Variants in TSGA10IP observed in about 807,000 individuals in gnomAD.
TSGA10IP encodes testis specific 10 interacting protein.
In TSGA10IP, 64 loss-of-function variants were observed where a neutral mutation model predicts 63.2. That is an observed-to-expected ratio of 1.01 (90% CI 0.83 to 1.25). TSGA10IP has a LOEUF of 1.25. Ranked by LOEUF, TSGA10IP falls within the 50% of genes most tolerant of loss-of-function variation. The pLI is 0.00. For missense variants in TSGA10IP, 681 were observed against 710.1 expected (o/e 0.96, Z 0.47); for synonymous variants, 316 against 298.3 (o/e 1.06, Z -0.61).
At chr11:65,951,518 T>TTTATTATTATTACTA (rs1854941300) in intron 4 of TSGA10IP, among the ~76,000 whole-genome samples, 2 of 139,116 alleles carry the variant, frequency 1.4e-5, no homozygotes, top group African/African-American at 5.3e-5. Flanking sequence ...ATTTGCTTAT[T>TTTATTATTATTACTA]TTATTATTAT....
At position 65,955,483 on chromosome 11, in the gene TSGA10IP, C is replaced by T. The variant is rs193003067; in HGVS notation, c.1322+1746C>T. Among the ~76,000 whole-genome samples, 708 of 152,014 alleles carry T rather than the reference C, an allele frequency of 4.7e-3. 2 individuals carry two copies. Among genetic ancestry groups the T allele is most frequent in the Non-Finnish European group, 6.9e-3 (472 of 67,966 alleles). ...CAAAAATTAGCTGGGCGTAGTGGCGCGCGACTGTAGTCCCAGCTACTTGGG... is the reference window on the plus strand; with the variant it reads ...CAAAAATTAGCTGGGCGTAGTGGCGTGCGACTGTAGTCCCAGCTACTTGGG... On this transcript the variant is annotated intron_variant, in intron 5 of 7. Coordinates refer to ENST00000532620, the Ensembl canonical transcript of TSGA10IP.
chr11:65,953,952 G>C (rs995975725), intron 5 of TSGA10IP, among the ~76,000 whole-genome samples: 8 of 152,172 alleles, frequency 5.3e-5, no homozygotes, highest in Non-Finnish European at 8.8e-5. Context: ...GCTGTTGAAT[G>C]GTCAAGGTTA....
intron 5 of TSGA10IP, among the ~76,000 whole-genome samples, chr11:65,957,112 G>A (rs1357909394): frequency 6.6e-6 from 1 of 152,166 alleles, no homozygotes; most frequent in East Asian, 1.9e-4. Flanking sequence ...GATGGACGGG[G>A]CTGACACCCA....
At chr11:65,955,212 T>C (rs1466843683) in intron 5 of TSGA10IP, among the ~76,000 whole-genome samples, 4 of 152,030 alleles carry the variant, frequency 2.6e-5, no homozygotes. Context: ...GAAGCTACAT[T>C]ATGAATAAGG....
At position 65,946,939 on chromosome 11, in the gene TSGA10IP, C is replaced by T. The variant is rs991509595; in HGVS notation, c.207C>T (p.Ser69=). Residue 69 remains serine (S), a synonymous_variant, in exon 2 of 8, where the codon AGC becomes AGT. Transcript: ENST00000532620. ...AAGACCTGCAGCAGAGGTCTCAGAG[C>T]TCAAGGCAGACAGCAAAGAAGGACC... is the stretch of plus-strand genomic sequence containing the variant. The T allele has an allele frequency of 6.2e-6, 10 of 1,613,960 alleles. No individual in the cohort carries two copies. In the Admixed American group the frequency reaches 1.5e-4, roughly 24 times the overall value.
At chr11:65,947,075 G>C (rs1251938008) in intron 2 of TSGA10IP, 35 bp from the exon 3 acceptor site, 2 of 1,609,282 alleles carry the variant, frequency 1.2e-6, no homozygotes, top group Non-Finnish European at 1.7e-6. Context: ...CTGGGGGCTG[G>C]CGCCGACCCT....
At chr11:65,947,793 A>G (rs1486010551) in exon 3 of TSGA10IP, 1 of 1,578,062 alleles carries the variant, frequency 6.3e-7, no homozygotes, top group Non-Finnish European at 8.6e-7. Context: ...GACCTGGAGA[A>G]GCTGCACAGG....
chr11:65,959,677 G>C, intron 7 of TSGA10IP, 140 bp from the exon 8 acceptor site: 1 of 1,257,632 alleles, frequency 8.0e-7, no homozygotes, highest in Non-Finnish European at 1.1e-6. Context: ...TAAGGAAAGT[G>C]AGACTCGAGA....
chr11:65,959,292 G>C (rs1333598570), exon 7 of TSGA10IP: 8 of 1,611,544 alleles, frequency 5.0e-6, no homozygotes, highest in Non-Finnish European at 6.8e-6. Context: ...GGTGGACAGA[G>C]AGGGCACCCC....
intron 4 of TSGA10IP, among the ~76,000 whole-genome samples, chr11:65,951,518 T>TTTATTATTATTATTATTA (rs4013981): frequency 0.026 from 3,625 of 139,060 alleles, 114 homozygotes; most frequent in African/African-American, 0.069. Flanking sequence ...ATTTGCTTAT[T>TTTATTATTATTATTATTA]TTATTATTAT....
exon 3 of TSGA10IP, chr11:65,947,380 T>C: frequency 3.1e-6 from 5 of 1,612,640 alleles, no homozygotes; most frequent in Non-Finnish European, 4.2e-6. Flanking sequence ...CCATCCCTAC[T>C]GGCAAAGGGG....
intron 4 of TSGA10IP, among the ~76,000 whole-genome samples, chr11:65,952,074 G>A (rs1311889880): frequency 2.6e-5 from 4 of 152,006 alleles, no homozygotes; most frequent in Non-Finnish European, 2.9e-5. Context: ...GACTAGTCTC[G>A]AACTCCAGAC....
At chr11:65,959,304 A>G in exon 7 of TSGA10IP, 1 of 1,611,270 alleles carries the variant, frequency 6.2e-7, no homozygotes. Context: ...GGGCACCCCC[A>G]GGAAACCCAG....
rs528593771 is a variant in TSGA10IP, at chr11:65,959,459, C to T, written c.1547+145C>T. 1.5e-4 allele frequency: 201 copies of T among 1,303,972 alleles called. No homozygotes were observed. The South Asian group carries it at 2.8e-3, about 18-fold the overall frequency. 80.8% of individuals were successfully genotyped at this position (1,303,972 alleles called of 1,614,324 possible). A position where few individuals can be genotyped will look rare whatever the true frequency, so the allele number is the denominator to read the frequency against. ...GGCAAGGCCAGGGTTGTCATTCCTA[C>T]TTCTCAATGAGGAAACTAAGGACCT... On this transcript the variant is annotated intron_variant, in intron 7 of 7. Transcript: ENST00000532620.
chr11:65,953,503 C>G, intron 4 of TSGA10IP, 64 bp from the exon 5 acceptor site: 1 of 1,487,158 alleles, frequency 6.7e-7, no homozygotes, highest in Non-Finnish European at 8.9e-7. Context: ...TATCCAGCCC[C>G]TGGCCCTCCG....
At chr11:65,947,892 A>G in intron 3 of TSGA10IP, 64 bp downstream of exon 3, 1 of 1,506,932 alleles carries the variant, frequency 6.6e-7, no homozygotes, top group Non-Finnish European at 8.9e-7. Flanking sequence ...GGGAGCAGTC[A>G]GGGAGGCAGG....
intron 5 of TSGA10IP, among the ~76,000 whole-genome samples, chr11:65,956,364 C>T (rs1265685711): frequency 1.3e-5 from 2 of 151,932 alleles, no homozygotes; most frequent in African/African-American, 4.8e-5. Context: ...CTTGAACTCC[C>T]GACCTCAGCT....
chr11:65,951,453 T>C (rs933485754), intron 4 of TSGA10IP, among the ~76,000 whole-genome samples: 7 of 151,530 alleles, frequency 4.6e-5, no homozygotes, highest in Admixed American at 3.9e-4. Context: ...TGATTAGTGA[T>C]TAGTGATGAA....
Position 65,947,100 on chromosome 11 carries a change from C to T in TSGA10IP, c.285-10C>T. ...GCGCCGACCCTGACCCCCACCCTTT[C>T]CTTCTTCAGTCACTTCCCGCTTCTT... On this transcript the variant is annotated splice_polypyrimidine_tract_variant and intron_variant, in intron 2 of 7. Coordinates refer to ENST00000532620, the Ensembl canonical transcript of TSGA10IP. The T allele has an allele frequency of 6.2e-7, 1 of 1,609,410 alleles. No individual in the cohort carries two copies. The highest frequency in any genetic ancestry group is 1.1e-5 in the South Asian group (1 of 90,978).
Sources: allele counts gnomAD v4.1 joint callset (sites outside exome capture counted in the v4.1 genomes callset), GRCh38; gene constraint gnomAD v4.1.1; transcripts MANE v1.5; gene names NCBI Gene and HGNC (gene_info 2026-07-23, HGNC 2026-07-21).